The following UNC5A variants were observed in gnomAD, a reference collection of about 807,000 sequenced individuals.
The protein encoded by UNC5A is netrin receptor UNC5A.
Under a neutral mutation model 87.4 loss-of-function variants are expected in UNC5A, and 20 were observed. That is an observed-to-expected ratio of 0.23 (90% confidence interval 0.16 to 0.33). UNC5A has a LOEUF of 0.33. UNC5A is among the 10% of genes least tolerant of loss of function. The pLI is 1.00. For synonymous variants in UNC5A, 438 were observed against 482.3 expected, an observed-to-expected ratio of 0.91 and a Z score of 1.20; for missense variants, 844 against 1,133.4, an observed-to-expected ratio of 0.74 and a Z score of 3.67.
intron 2 of UNC5A, among the ~76,000 whole-genome samples, chr5:176,863,763 C>G (rs1286360418): frequency 1.1e-5 from 1 of 90,522 alleles, no homozygotes; most frequent in Non-Finnish European, 2.2e-5. Flanking sequence ...CCCTCCCCTC[C>G]TCCCCCTCCC....
At chr5:176,827,336 C>T (rs889121242) in intron 1 of UNC5A, among the ~76,000 whole-genome samples, 13 of 152,078 alleles carry the variant, frequency 8.5e-5, no homozygotes, top group African/African-American at 3.1e-4. Flanking sequence ...GCATGCACCA[C>T]CACGCCCAGC....
At position 176,869,866 on chromosome 5, in the gene UNC5A, C is replaced by G. The variant is rs1758067373; in HGVS notation, c.722-504C>G. 1.7e-6 allele frequency: 1 copy of G among 578,348 alleles called. No homozygotes were observed. The highest frequency in any genetic ancestry group is 3.1e-6 in the Non-Finnish European group (1 of 322,856). 35.8% of individuals were successfully genotyped at this position (578,348 alleles called of 1,614,324 possible). On this transcript the variant is annotated intron_variant, in intron 5 of 14. Transcript: ENST00000329542. The surrounding 1 kb of genome is among the most constrained non-coding windows in gnomAD (Gnocchi z 9.1). ...CCATCGCGCCCACCAGCCTGCCCCCCCATGGCTCCATCCCACCCACCCGCC... is the reference window on the plus strand; with the variant it reads ...CCATCGCGCCCACCAGCCTGCCCCCGCATGGCTCCATCCCACCCACCCGCC...
At chr5:176,877,141 G>T in intron 8 of UNC5A, 51 bp from the exon 9 acceptor site, 1 of 1,441,676 alleles carries the variant, frequency 6.9e-7, no homozygotes, top group Non-Finnish European at 9.7e-7. Flanking sequence ...GTGGTGGGGT[G>T]TTGGGTGCTT....
At chr5:176,868,013 AAAAC>A (rs1323590409) in intron 2 of UNC5A, 113 bp from the exon 3 acceptor site, 1 of 851,516 alleles carries the variant, frequency 1.2e-6, no homozygotes, top group Non-Finnish European at 1.6e-6. Context: ...TAAAAAAAAA[AAAAC>A]AAAGTCCACT....
chr5:176,829,870 C>T (rs897072128), intron 1 of UNC5A, among the ~76,000 whole-genome samples: 8 of 48,626 alleles, frequency 1.6e-4, no homozygotes, highest in Non-Finnish European at 5.7e-4. Flanking sequence ...CTCACTTCCA[C>T]ATCACTGCTC....
intron 1 of UNC5A, among the ~76,000 whole-genome samples, chr5:176,831,955 G>T (rs1245738911): frequency 7.0e-6 from 1 of 142,846 alleles, no homozygotes; most frequent in African/African-American, 2.7e-5. Context: ...GGAGTGCTGT[G>T]GTGCAATCTC....
In UNC5A at chr5:176,868,818, C is replaced by G. The variant is rs778397356; in HGVS notation, c.575C>G (p.Pro192Arg). 6.2e-7 allele frequency: 1 copy of G among 1,606,802 alleles called. No homozygotes were observed. ...CTCCGGAACGAGGACCTGGTGGACC[C>G]GTCCCTGGACCCCAATGTATACATC... Reference protein sequence around the residue: ...EWLRNEDLVDPSLDPNVYITR... With the variant: ...EWLRNEDLVDRSLDPNVYITR... The change falls in exon 5 of 15, where the codon CCG becomes CGG. Residue 192 changes from proline (P) to arginine (R), a missense_variant. This residue lies in a region of UNC5A where 314 missense variants were observed against 466.5 expected (regional missense o/e 0.67). Transcript: ENST00000329542.
intron 2 of UNC5A, among the ~76,000 whole-genome samples, chr5:176,863,264 A>C (rs1211365028): frequency 6.6e-6 from 1 of 152,150 alleles, no homozygotes. Context: ...TAGGGAGTGC[A>C]GAAGGGGGAA....
intron 13 of UNC5A, 112 bp downstream of exon 13, chr5:176,878,751 T>C: frequency 7.1e-7 from 1 of 1,401,828 alleles, no homozygotes; most frequent in South Asian, 1.4e-5. Context: ...CCCTCCCGCC[T>C]GTCCCCAGGC....
At chr5:176,836,576 T>C (rs952622136) in intron 1 of UNC5A, among the ~76,000 whole-genome samples, 3 of 151,562 alleles carry the variant, frequency 2.0e-5, no homozygotes, top group African/African-American at 4.9e-5. Flanking sequence ...GGAGCTGCCA[T>C]AGAAAATCAG....
chr5:176,880,879 T>G lies in UNC5A; in HGVS notation c.*993T>G. 3.9e-6 allele frequency: 2 copies of G among 507,756 alleles called. No individual in the cohort carries two copies. The highest frequency in any genetic ancestry group is 7.7e-5 in the South Asian group (2 of 26,024). The allele number at this position is 507,756 out of a possible 1,614,324, so 31.5% of individuals were successfully genotyped here. On this transcript the variant is annotated 3_prime_UTR_variant, in exon 15 of 15. Transcript: ENST00000329542. ...TTTATCGGGCGTGAATGTAAATAAA[T>G]TATATATATATATTGCTAACCTGAG...
intron 1 of UNC5A, among the ~76,000 whole-genome samples, chr5:176,858,720 A>ACG (rs67950328): frequency 1.2e-5 from 1 of 85,602 alleles, no homozygotes; most frequent in Non-Finnish European, 2.8e-5. Flanking sequence ...AAAGAGAGAG[A>ACG]GAGAAGGAAG....
intron 1 of UNC5A, among the ~76,000 whole-genome samples, chr5:176,837,717 C>G (rs954037431): frequency 6.6e-6 from 1 of 152,184 alleles, no homozygotes; most frequent in African/African-American, 2.4e-5. Context: ...GGCTGTGTAG[C>G]TAGCTGGGAA....
chr5:176,872,958 A>C (rs2962841), intron 6 of UNC5A, among the ~76,000 whole-genome samples: 4 of 58,822 alleles, frequency 6.8e-5, no homozygotes, highest in African/African-American at 1.4e-4. Context: ...GCCCACACTC[A>C]CCCAACACCA....
chr5:176,813,135 C>T (rs553680449), intron 1 of UNC5A, among the ~76,000 whole-genome samples: 3 of 152,314 alleles, frequency 2.0e-5, no homozygotes, highest in African/African-American at 4.8e-5. Context: ...TCTCTGTGCC[C>T]GCGCACGCAA....
intron 13 of UNC5A, 98 bp downstream of exon 13, chr5:176,878,737 C>G (rs1581282905): frequency 6.9e-7 from 1 of 1,458,654 alleles, no homozygotes; most frequent in Non-Finnish European, 9.3e-7. Flanking sequence ...CTGCCACCCA[C>G]TCTCCCTCCC....
Position 176,848,076 on chromosome 5 carries a change from C to T in UNC5A, c.71-14548C>T, listed in dbSNP as rs1757455830. Among the ~76,000 whole-genome samples, 2 of 151,874 alleles carry T rather than the reference C, an allele frequency of 1.3e-5. No individual in the cohort carries two copies. Among genetic ancestry groups the T allele is most frequent in the East Asian group, 1.9e-4 (1 of 5,192 alleles). On this transcript the variant is annotated intron_variant, in intron 1 of 14. Transcript: ENST00000329542. The surrounding 1 kb of genome is among the most constrained non-coding windows in gnomAD (Gnocchi z 5.8). ...GAAGAGGAGGCATCCAGCAGCCCCT[C>T]CAGGCCCCTACTGACCAGCTGACCA...
chr5:176,874,673 A>T lies in UNC5A; in HGVS notation c.1378+107A>T, dbSNP rs1758218474. On this transcript the variant is annotated intron_variant, in intron 8 of 14. Transcript: ENST00000329542. The surrounding 1 kb of genome is among the most constrained non-coding windows in gnomAD (Gnocchi z 7.6). The stretch of plus-strand genomic sequence containing the variant: ...CCTCGGTGTCCCGTGACAGATCAGC[A>T]AGGAAAGGGGGTGGAGTTTTGGGGA... 1 of 1,312,078 alleles carries T rather than the reference A, an allele frequency of 7.6e-7. No individual in the cohort carries two copies. The highest frequency in any genetic ancestry group is 1.0e-6 in the Non-Finnish European group (1 of 977,674). The allele number at this position is 1,312,078 out of a possible 1,614,324, so 81.3% of individuals were successfully genotyped here.
intron 1 of UNC5A, among the ~76,000 whole-genome samples, chr5:176,833,955 C>T (rs757494273): frequency 3.9e-5 from 6 of 152,186 alleles, no homozygotes; most frequent in Middle Eastern, 6.8e-3. Context: ...CTGCCCGCCT[C>T]GGCCTCCCAA....
Sources: gnomAD v4.1 joint callset for allele counts (sites outside exome capture counted in the v4.1 genomes callset) on GRCh38, gnomAD v4.1.1 for gene constraint, gnomAD v4.1.1 regional missense constraint, Gnocchi (gnomAD v3.1) non-coding constraint, MANE v1.5 for transcripts, NCBI Gene and HGNC (gene_info 2026-07-23, HGNC 2026-07-21) for gene names.